APOO: variants seen among roughly 807,000 people sequenced by gnomAD.
APOO encodes apolipoprotein O, also known as MICOS complex subunit MIC26.
A neutral mutation model predicts 23.1 loss-of-function variants in APOO; 11 were observed. That is an observed-to-expected ratio of 0.48 (90% CI 0.30 to 0.79). The LOEUF (loss-of-function observed/expected upper bound fraction) is 0.79. APOO is among the 30% of genes least tolerant of loss of function. The probability of loss-of-function intolerance (pLI) is 0.07; values close to 1 mark genes in which losing one functional copy is unlikely to be tolerated. For missense variants in APOO, 160 were observed against 142.7 expected, an observed-to-expected ratio of 1.12 and a Z score of -0.62; for synonymous variants, 59 against 54.8, an observed-to-expected ratio of 1.08 and a Z score of -0.34.
chrX:23,881,044 T>A, intron 1 of APOO, 92 bp from the exon 2 acceptor site: 1 of 452,320 alleles, frequency 2.2e-6, no homozygotes, highest in Non-Finnish European at 3.5e-6. Context: ...CTCCCCACCC[T>A]GAAAGGCTTA....
Position 23,846,056 on chromosome X carries a change from G to A in APOO, c.562-5679C>T, listed in dbSNP as rs970944088. Among the ~76,000 whole-genome samples, 9 of 111,447 alleles carry A rather than the reference G, an allele frequency of 8.1e-5. No individual in the cohort carries two copies. The Admixed American group carries it at 8.7e-4, about 11-fold the overall frequency. On this transcript the variant is annotated intron_variant, in intron 7 of 8. Coordinates refer to ENST00000379226, the MANE Select transcript of APOO (RefSeq NM_024122.5). Reference sequence around the variant, plus strand: ...GCGGTGGCTCACGCCTGTAATCCCAGCACTTTGGGAGGCCGAGGCAGGGGG... The same window carrying A: ...GCGGTGGCTCACGCCTGTAATCCCAACACTTTGGGAGGCCGAGGCAGGGGG...
chrX:23,861,168 C>T (rs1290837507), intron 5 of APOO, among the ~76,000 whole-genome samples: 1 of 110,520 alleles, frequency 9.0e-6, no homozygotes, highest in Non-Finnish European at 1.9e-5. Flanking sequence ...TTGTAATCCC[C>T]AATGTTGGAG....
intron 4 of APOO, among the ~76,000 whole-genome samples, chrX:23,870,468 T>G (rs1174521100): frequency 9.0e-6 from 1 of 111,676 alleles, no homozygotes. Flanking sequence ...GTGGTAATAA[T>G]GGATGTTCAT....
intron 7 of APOO, among the ~76,000 whole-genome samples, chrX:23,845,453 A>G (rs1415307012): frequency 8.9e-6 from 1 of 112,069 alleles, no homozygotes; most frequent in Non-Finnish European, 1.9e-5. Flanking sequence ...AGGGGTCTGT[A>G]GAACTTATTC....
intron 3 of APOO, among the ~76,000 whole-genome samples, chrX:23,876,920 T>C (rs1925884275): frequency 8.9e-6 from 1 of 112,779 alleles, no homozygotes; most frequent in African/African-American, 3.2e-5. Flanking sequence ...AAAGGCTTTG[T>C]TCTACCCAGG....
At chrX:23,840,052 CTT>C in intron 8 of APOO, 1 of 189,737 alleles carries the variant, frequency 5.3e-6, no homozygotes, top group African/African-American at 3.0e-5. Context: ...AATAATGACA[CTT>C]TTCAATTGTT....
chrX:23,861,593 G>C (rs1386113937), intron 5 of APOO, among the ~76,000 whole-genome samples: 7 of 102,474 alleles, frequency 6.8e-5, no homozygotes, highest in African/African-American at 2.5e-4. Context: ...AGTTAAAACA[G>C]TGGGGGCAGG....
At chrX:23,852,620 A>C (rs1316785558) in intron 7 of APOO, among the ~76,000 whole-genome samples, 1 of 109,723 alleles carries the variant, frequency 9.1e-6, no homozygotes, top group Non-Finnish European at 1.9e-5. Context: ...TCTCAAAAAA[A>C]AAAAAAATAT....
chrX:23,872,328 T>C (rs998746753), intron 4 of APOO, among the ~76,000 whole-genome samples: 4 of 109,439 alleles, frequency 3.7e-5, no homozygotes, highest in African/African-American at 1.3e-4. Flanking sequence ...GCCCAGGAGG[T>C]TGAGGCTGCA....
intron 7 of APOO, among the ~76,000 whole-genome samples, chrX:23,848,661 A>G (rs59339300): frequency 0.064 from 7,011 of 109,804 alleles, 584 homozygotes; most frequent in African/African-American, 0.22. Context: ...ATGAAACAAT[A>G]GAAGCAAAAT....
intron 1 of APOO, among the ~76,000 whole-genome samples, chrX:23,907,481 A>G (rs1158619799): frequency 8.9e-6 from 1 of 112,256 alleles, no homozygotes; most frequent in East Asian, 2.8e-4. Context: ...GGCCGCCCCC[A>G]CCCACCCGGG....
Position 23,880,971 on chromosome X carries a change from C to T in APOO, c.10-19G>A, listed in dbSNP as rs765331569. 11 of 1,091,037 alleles carry T rather than the reference C, an allele frequency of 1.0e-5. No homozygotes were observed. In the African/African-American group the frequency reaches 1.1e-4, roughly 11 times the overall value. The allele number at this position is 1,091,037 out of a possible 1,213,427, so 89.9% of individuals were successfully genotyped here. Reference sequence around the variant, plus strand: ...GAATTACCTGAAATGCAGAAGCAATCTTAAACCTCTCTATGTTACAGACCG... The same window carrying T: ...GAATTACCTGAAATGCAGAAGCAATTTTAAACCTCTCTATGTTACAGACCG... On this transcript the variant is annotated intron_variant, in intron 1 of 8. Transcript: ENST00000379226.
At chrX:23,834,323 G>A (rs996912931) in intron 8 of APOO, among the ~76,000 whole-genome samples, 3 of 104,339 alleles carry the variant, frequency 2.9e-5, no homozygotes, top group Non-Finnish European at 5.9e-5. Flanking sequence ...TTGAACCCGG[G>A]AGGCAGAGGA....
chrX:23,865,156 T>C (rs1394186021), intron 5 of APOO, among the ~76,000 whole-genome samples: 1 of 111,150 alleles, frequency 9.0e-6, no homozygotes, highest in African/African-American at 3.3e-5. Context: ...AAGGCAACAA[T>C]AGTGTCAACA....
chrX:23,883,249 A>C (rs1926223301), intron 1 of APOO: 1 of 110,486 alleles, frequency 9.1e-6, no homozygotes. Flanking sequence ...TCCCAAGACC[A>C]CCCTGGCCCA....
intron 7 of APOO, among the ~76,000 whole-genome samples, chrX:23,846,437 G>T (rs1256049270): frequency 9.2e-6 from 1 of 108,500 alleles, no homozygotes; most frequent in Non-Finnish European, 1.9e-5. Flanking sequence ...GCCTGGCCAA[G>T]ATGGTGAAAC....
intron 1 of APOO, among the ~76,000 whole-genome samples, chrX:23,902,533 T>C (rs781366281): frequency 9.0e-5 from 10 of 111,692 alleles, no homozygotes; most frequent in Non-Finnish European, 1.3e-4. Context: ...TGAATCTGGG[T>C]ATATGTATCC....
At chrX:23,851,754 G>A (rs1924549013) in intron 7 of APOO, among the ~76,000 whole-genome samples, 1 of 111,935 alleles carries the variant, frequency 8.9e-6, no homozygotes, top group African/African-American at 3.2e-5. Context: ...AGAAGACTCA[G>A]CACAAACATT....
chrX:23,838,493 T>C (rs766109745), intron 8 of APOO, among the ~76,000 whole-genome samples: 3 of 108,552 alleles, frequency 2.8e-5, no homozygotes, highest in South Asian at 8.4e-4. Context: ...CTCGGCTCAC[T>C]GCAACCTCCG....
Sources: gnomAD v4.1 joint callset for allele counts (sites outside exome capture counted in the v4.1 genomes callset) on GRCh38, gnomAD v4.1.1 for gene constraint, MANE v1.5 for transcripts, NCBI Gene and HGNC (gene_info 2026-07-23, HGNC 2026-07-21) for gene names.